Variants in EVI5 observed in about 807,000 individuals in gnomAD.
EVI5 encodes the protein ecotropic viral integration site 5, also known as ecotropic viral integration site 5 protein homolog.
EVI5 carries 73 observed loss-of-function variants against 112.0 expected under a neutral mutation model. The observed-to-expected ratio is 0.65, with a 90% CI of 0.54 to 0.79. The LOEUF (loss-of-function observed/expected upper bound fraction) is 0.79, where lower values mean the gene tolerates loss of function less well. Among genes scored for constraint, EVI5 ranks in the 30% least tolerant of loss-of-function variants. The pLI, the probability that EVI5 is intolerant of heterozygous loss-of-function variation, is 0.00. For synonymous variants in EVI5, 305 were observed against 319.9 expected (o/e 0.95, Z 0.50); for missense variants, 900 against 968.8 (o/e 0.93, Z 0.94).
rs201748980 is a variant in EVI5, at chr1:92,624,332, G to C, written c.1671C>G (p.Arg557=). 4 of 1,611,536 alleles carry C rather than the reference G, an allele frequency of 2.5e-6. No individual in the cohort carries two copies. The highest frequency in any genetic ancestry group is 1.7e-4 in the Middle Eastern group (1 of 5,982). ...QVKDLEEHWQ[R]HLARTTGRWK... ...ATCTCCCAGTAGTACGAGCTAAGTG[G>C]CGCTAAAGCATAAAAAATTATATTG... Residue 557 remains arginine, a splice_region_variant and synonymous_variant, in exon 16 of 20, where the codon CGC becomes CGG. Transcript: ENST00000684568.
intron 15 of EVI5, 129 bp from the exon 16 acceptor site, chr1:92,624,463 G>C (rs1571950502): frequency 2.7e-6 from 2 of 728,950 alleles, no homozygotes; most frequent in Admixed American, 2.9e-5. Context: ...TTAATCCCTA[G>C]AAAATCCTAT....
intron 19 of EVI5, among the ~76,000 whole-genome samples, chr1:92,535,525 T>C (rs960659180): frequency 6.6e-6 from 1 of 152,250 alleles, no homozygotes; most frequent in African/African-American, 2.4e-5. Context: ...CCATCAATGA[T>C]AGACTGGATC....
At chr1:92,529,550 T>C (rs905051548) in intron 19 of EVI5, among the ~76,000 whole-genome samples, 12 of 152,202 alleles carry the variant, frequency 7.9e-5, no homozygotes. Flanking sequence ...AAAATAAATA[T>C]TTGTCACTGT....
In EVI5 at chr1:92,662,873, C is replaced by T; in HGVS notation, c.1246-8G>A. Reference sequence around the variant, plus strand: ...GGCTCTTGTCACTTGTCCCTTAGGACATAATTTTTGTGTGTGTAAAGCAAT... The same window carrying T: ...GGCTCTTGTCACTTGTCCCTTAGGATATAATTTTTGTGTGTGTAAAGCAAT... On this transcript the variant is annotated splice_polypyrimidine_tract_variant and splice_region_variant and intron_variant, in intron 12 of 19. Coordinates refer to ENST00000684568, the MANE Select transcript of EVI5 (RefSeq NM_001350197.2). 1 of 1,269,744 alleles carries T rather than the reference C, an allele frequency of 7.9e-7. No homozygotes were observed. Among genetic ancestry groups the T allele is most frequent in the Non-Finnish European group, 1.0e-6 (1 of 982,162 alleles). The allele number at this position is 1,269,744 out of a possible 1,614,324, so 78.7% of individuals were successfully genotyped here. A position where few individuals can be genotyped will look rare whatever the true frequency, so the allele number is the denominator to read the frequency against.
rs556240408 is a variant in EVI5 at position 92,774,403 on chromosome 1, T to C, written c.-82+10433A>G. ...AAGTCACTAGCATAATTTATGAGCATACTGGATTCATTTCTGACATACAAA... is the reference window on the plus strand; with the variant it reads ...AAGTCACTAGCATAATTTATGAGCACACTGGATTCATTTCTGACATACAAA... On this transcript the variant is annotated intron_variant, in intron 1 of 19. Transcript: ENST00000684568. 6.6e-5 allele frequency among the ~76,000 whole-genome samples: 10 copies of C among 152,356 alleles called. No individual in the cohort carries two copies. In the South Asian group the frequency reaches 1.2e-3, roughly 19 times the overall value.
At chr1:92,685,708 A>T (rs1434674367) in intron 9 of EVI5, among the ~76,000 whole-genome samples, 1 of 152,224 alleles carries the variant, frequency 6.6e-6, no homozygotes, top group Non-Finnish European at 1.5e-5. Flanking sequence ...AAAAAATGAT[A>T]AAGGGGATAT....
chr1:92,678,298 A>AG (rs1234185031), intron 9 of EVI5, among the ~76,000 whole-genome samples: 6 of 152,154 alleles, frequency 3.9e-5, no homozygotes, highest in African/African-American at 9.7e-5. Context: ...TGGGGGGCCA[A>AG]GGGGGGCCAA....
intron 14 of EVI5, among the ~76,000 whole-genome samples, chr1:92,633,879 G>A (rs879037425): frequency 1.3e-5 from 2 of 152,144 alleles, no homozygotes; most frequent in African/African-American, 2.4e-5. Flanking sequence ...AGGCCTGGTG[G>A]TGACAAAATC....
intron 1 of EVI5, among the ~76,000 whole-genome samples, chr1:92,750,683 T>G (rs141805567): frequency 0.016 from 2,511 of 152,288 alleles, 45 homozygotes; most frequent in Non-Finnish European, 0.022. Flanking sequence ...CCCCTTACTT[T>G]TAATTTTTAC....
chr1:92,553,466 C>T (rs550042464), intron 19 of EVI5, among the ~76,000 whole-genome samples: 33 of 152,152 alleles, frequency 2.2e-4, no homozygotes, highest in Non-Finnish European at 3.2e-4. Flanking sequence ...CCACGCCCGG[C>T]TAATTTTTGT....
At chr1:92,735,457 C>T (rs527327111) in intron 2 of EVI5, among the ~76,000 whole-genome samples, 1 of 151,636 alleles carries the variant, frequency 6.6e-6, no homozygotes, top group African/African-American at 2.4e-5. Flanking sequence ...TCAAATTGTA[C>T]AGTTTACGCA....
chr1:92,545,339 G>A (rs934101472), intron 19 of EVI5, among the ~76,000 whole-genome samples: 1 of 151,194 alleles, frequency 6.6e-6, no homozygotes, highest in Non-Finnish European at 1.5e-5. Flanking sequence ...GCCTCCCAAA[G>A]TGCTGAGACT....
chr1:92,702,261 C>T (rs376726169), intron 4 of EVI5, 46 bp from the exon 5 acceptor site: 2 of 985,688 alleles, frequency 2.0e-6, no homozygotes, highest in Non-Finnish European at 1.5e-6. Context: ...TAAGTTATAC[C>T]TTCCTTCTCC....
At chr1:92,670,347 C>T (rs1665659408) in intron 10 of EVI5, among the ~76,000 whole-genome samples, 1 of 152,160 alleles carries the variant, frequency 6.6e-6, no homozygotes, top group Non-Finnish European at 1.5e-5. Context: ...CAAAGTAACC[C>T]AACCCCAACA....
chr1:92,692,881 A>G (rs1430181333), intron 9 of EVI5, among the ~76,000 whole-genome samples: 1 of 152,256 alleles, frequency 6.6e-6, no homozygotes, highest in Non-Finnish European at 1.5e-5. Context: ...GTACAGTATC[A>G]GAAATGCTAA....
At chr1:92,762,929 A>G (rs1682094606) in intron 1 of EVI5, among the ~76,000 whole-genome samples, 1 of 152,112 alleles carries the variant, frequency 6.6e-6, no homozygotes, top group Non-Finnish European at 1.5e-5. Flanking sequence ...ACACAATATA[A>G]CCATGTAGTG....
chr1:92,738,993 C>T (rs933762936), intron 1 of EVI5, among the ~76,000 whole-genome samples: 10 of 151,916 alleles, frequency 6.6e-5, no homozygotes, highest in Non-Finnish European at 8.8e-5. Context: ...ACATACTGGC[C>T]GGGCACGGTG....
chr1:92,528,255 A>T (rs1662264507), intron 19 of EVI5, among the ~76,000 whole-genome samples: 1 of 152,240 alleles, frequency 6.6e-6, no homozygotes. Context: ...GTAAACTGGT[A>T]TAAGCACTTT....
At chr1:92,688,766 G>C (rs1463515971) in intron 9 of EVI5, among the ~76,000 whole-genome samples, 1 of 152,132 alleles carries the variant, frequency 6.6e-6, no homozygotes, top group Non-Finnish European at 1.5e-5. Context: ...TACGGGTTAG[G>C]TATCTCTAAC....
Sources: gnomAD v4.1 joint callset for allele counts (sites outside exome capture counted in the v4.1 genomes callset) on GRCh38, gnomAD v4.1.1 for gene constraint, MANE v1.5 for transcripts, NCBI Gene and HGNC (gene_info 2026-07-23, HGNC 2026-07-21) for gene names.